The following NRG1 variants were observed in gnomAD, a reference collection of about 807,000 sequenced individuals.
The protein encoded by NRG1 is neuregulin 1.
Under a neutral mutation model 63.8 loss-of-function variants are expected in NRG1, and 18 were observed. That is an observed-to-expected ratio of 0.28 (90% CI 0.19 to 0.42). The LOEUF is 0.42. Ranked by LOEUF, NRG1 falls within the 10% of genes least tolerant of loss-of-function variation. The pLI is 1.00. For missense variants in NRG1, 762 were observed against 814.7 expected, an observed-to-expected ratio of 0.94 and a Z score of 0.79; for synonymous variants, 302 against 301.3, an observed-to-expected ratio of 1.00 and a Z score of -0.02.
intron 1 of NRG1, among the ~76,000 whole-genome samples, chr8:32,311,268 G>C (rs1856777874): frequency 6.6e-6 from 1 of 152,172 alleles, no homozygotes; most frequent in Non-Finnish European, 1.5e-5. Context: ...TTCTGGCAGG[G>C]GGATAGATTA....
chr8:31,798,685 T>C (rs913433487), intron 1 of NRG1, among the ~76,000 whole-genome samples: 7 of 152,194 alleles, frequency 4.6e-5, no homozygotes, highest in East Asian at 1.9e-4. Context: ...AGATGTAATC[T>C]TTTAATTATA....
At chr8:32,134,097 A>G (rs1184303011) in intron 1 of NRG1, among the ~76,000 whole-genome samples, 1 of 152,160 alleles carries the variant, frequency 6.6e-6, no homozygotes, top group Admixed American at 6.6e-5. Context: ...TGTAAGGTCT[A>G]TGAAGAAAGG....
At chr8:32,230,849 G>A (rs1846854987) in intron 1 of NRG1, among the ~76,000 whole-genome samples, 1 of 151,870 alleles carries the variant, frequency 6.6e-6, no homozygotes, top group Admixed American at 6.6e-5. Context: ...ATCACCTCAG[G>A]CATTTATCAT....
chr8:32,474,373 C>T (rs1490925106), intron 1 of NRG1, among the ~76,000 whole-genome samples: 1 of 152,148 alleles, frequency 6.6e-6, no homozygotes, highest in Admixed American at 6.5e-5. Flanking sequence ...TCTCACAGCA[C>T]ACTCTCTCCC....
chr8:32,234,859 T>C (rs1847367414), intron 1 of NRG1, among the ~76,000 whole-genome samples: 1 of 152,100 alleles, frequency 6.6e-6, no homozygotes, highest in Non-Finnish European at 1.5e-5. Context: ...ATAGAAATCT[T>C]CCCTCCTTCA....
chr8:32,645,963 A>G (rs931476224), intron 5 of NRG1, among the ~76,000 whole-genome samples: 1 of 152,232 alleles, frequency 6.6e-6, no homozygotes, highest in Non-Finnish European at 1.5e-5. Context: ...GCATGCTCTC[A>G]TAGAAAACTC....
intron 1 of NRG1, among the ~76,000 whole-genome samples, chr8:31,795,423 A>G (rs1821106344): frequency 6.6e-6 from 1 of 152,304 alleles, no homozygotes; most frequent in South Asian, 2.1e-4. Context: ...CTTGAATGAG[A>G]TGATTGCAGT....
At chr8:32,727,984 G>T in exon 6 of NRG1, 1 of 1,614,066 alleles carries the variant, frequency 6.2e-7, no homozygotes, top group African/African-American at 1.3e-5. Flanking sequence ...AAGCCATCTT[G>T]TAAAATGTGC....
chr8:32,352,760 AG>A (rs1336537734), intron 1 of NRG1, among the ~76,000 whole-genome samples: 1 of 152,034 alleles, frequency 6.6e-6, no homozygotes, highest in African/African-American at 2.4e-5. Context: ...ATGCACCTGT[AG>A]TCCCAGCTAT....
intron 1 of NRG1, among the ~76,000 whole-genome samples, chr8:31,879,321 T>G (rs1830168693): frequency 6.6e-6 from 1 of 152,198 alleles, no homozygotes; most frequent in Admixed American, 6.5e-5. Context: ...GAGGGAAAAC[T>G]AGATTACTAG....
chr8:31,917,922 A>G (rs4333546), intron 1 of NRG1, among the ~76,000 whole-genome samples: 100,321 of 151,940 alleles, frequency 0.66, 33,460 homozygotes, highest in East Asian at 0.91. Flanking sequence ...GGTCCTTCAC[A>G]TCCCTTGTAA....
At chr8:31,720,612 G>C (rs1259465334) in intron 1 of NRG1, among the ~76,000 whole-genome samples, 1 of 152,114 alleles carries the variant, frequency 6.6e-6, no homozygotes, top group Non-Finnish European at 1.5e-5. Context: ...TCCTGCATTA[G>C]GCAAACCGTT....
At chr8:31,839,379 A>G (rs181218376) in intron 1 of NRG1, among the ~76,000 whole-genome samples, 11 of 152,306 alleles carry the variant, frequency 7.2e-5, no homozygotes, top group Non-Finnish European at 1.5e-4. Context: ...AAATAAACAG[A>G]AAATATTTTC....
chr8:31,692,553 GAGA>G (rs1433968386), intron 1 of NRG1, among the ~76,000 whole-genome samples: 1 of 152,144 alleles, frequency 6.6e-6, no homozygotes, highest in Non-Finnish European at 1.5e-5. Context: ...TCTCTTTTGA[GAGA>G]AGAATTTATA....
Position 32,352,619 on chromosome 8 carries a change from A to G in NRG1, c.38-243209A>G, listed in dbSNP as rs529805290. Reference sequence around the variant, plus strand: ...AAGATGGCCAGGTGTAGTGGTTCACACCTGTACTCCCAGCACTTTGGGAAG... The same window carrying G: ...AAGATGGCCAGGTGTAGTGGTTCACGCCTGTACTCCCAGCACTTTGGGAAG... On this transcript the variant is annotated intron_variant, in intron 1 of 10. Coordinates refer to the NRG1 transcript ENST00000519301. 3.0e-4 allele frequency among the ~76,000 whole-genome samples: 46 copies of G among 152,228 alleles called. No homozygotes were observed. The South Asian group carries it at 9.5e-3, about 32-fold the overall frequency.
chr8:31,925,604 G>A (rs1834295677), intron 1 of NRG1, among the ~76,000 whole-genome samples: 3 of 151,776 alleles, frequency 2.0e-5, no homozygotes, highest in South Asian at 2.1e-4. Flanking sequence ...CTAATTACTT[G>A]TGTCTTATTC....
intron 5 of NRG1, among the ~76,000 whole-genome samples, chr8:32,690,880 C>A (rs1270989740): frequency 1.3e-5 from 2 of 150,826 alleles, no homozygotes; most frequent in African/African-American, 4.9e-5. Flanking sequence ...TGGCTGCTAT[C>A]TAAGGAATCT....
At chr8:31,900,557 G>A (rs1471491268) in intron 1 of NRG1, among the ~76,000 whole-genome samples, 1 of 152,148 alleles carries the variant, frequency 6.6e-6, no homozygotes, top group Non-Finnish European at 1.5e-5. Flanking sequence ...ATGAACTTTA[G>A]GAAAGAGTCT....
intron 1 of NRG1, among the ~76,000 whole-genome samples, chr8:32,196,798 TC>T (rs1402968300): frequency 6.6e-6 from 1 of 152,058 alleles, no homozygotes; most frequent in Non-Finnish European, 1.5e-5. Context: ...AAAGGCATAG[TC>T]TTAGGCTTCC....
Sources: allele counts gnomAD v4.1 joint callset (sites outside exome capture counted in the v4.1 genomes callset), GRCh38; gene constraint gnomAD v4.1.1; transcripts MANE v1.5; gene names NCBI Gene and HGNC (gene_info 2026-07-23, HGNC 2026-07-21).